TARS3: variants seen among roughly 807,000 people sequenced by gnomAD.
TARS3 encodes the protein threonyl-tRNA synthetase 3.
In TARS3, 94 loss-of-function variants were observed where a neutral mutation model predicts 103.5. The ratio of observed to expected loss-of-function variants is 0.91; its 90% CI spans 0.77 to 1.08. The LOEUF is 1.08. Among genes scored for constraint, TARS3 ranks in the 50% least tolerant of loss-of-function variants. The pLI is 0.00. For synonymous variants in TARS3, 416 were observed against 355.4 expected (o/e 1.17, Z -1.92); for missense variants, 952 against 995.2 (o/e 0.96, Z 0.58).
At chr15:101,708,950 C>A in intron 5 of TARS3, 40 bp from the exon 6 acceptor site, 1 of 1,270,814 alleles carries the variant, frequency 7.9e-7, no homozygotes, top group South Asian at 1.4e-5. Context: ...ATCTTCCAGA[C>A]ATTATGCATT....
chr15:101,677,055 T>C lies in TARS3; in HGVS notation c.1651-1318A>G, dbSNP rs191505939. Among the ~76,000 whole-genome samples the C allele has an allele frequency of 7.0e-4, 106 of 152,336 alleles. 1 individual carries two copies. In the East Asian group the frequency reaches 0.013, roughly 18 times the overall value. ...GTTCCCACTTATAAGTGAGAACATA[T>C]GGAGTTTGGTTTTCTATTCCTGTGT... On this transcript the variant is annotated intron_variant, in intron 12 of 18. Transcript: ENST00000335968.
intron 5 of TARS3, among the ~76,000 whole-genome samples, chr15:101,710,647 TGTGA>T (rs1378420642): frequency 2.0e-5 from 3 of 152,212 alleles, no homozygotes; most frequent in Non-Finnish European, 4.4e-5. Context: ...GTTTCATGCT[TGTGA>T]GTAATAGTGG....
At chr15:101,703,993 C>G in intron 7 of TARS3, 56 bp from the exon 8 acceptor site, 1 of 1,230,942 alleles carries the variant, frequency 8.1e-7, no homozygotes, top group Admixed American at 2.0e-5. Flanking sequence ...CTGGACTATT[C>G]ATTATAAGCC....
In TARS3 at chr15:101,661,806, C is replaced by A; in HGVS notation, c.1978G>T (p.Asp660Tyr). 6.3e-7 allele frequency: 1 copy of A among 1,588,590 alleles called. No homozygotes were observed. Among genetic ancestry groups the A allele is most frequent in the Non-Finnish European group, 8.6e-7 (1 of 1,167,928 alleles). Residue 660 changes from aspartate to tyrosine, a missense_variant, in exon 16 of 19, where the codon GAT (aspartate) becomes TAT (tyrosine). Asp to Tyr is a radical substitution (Grantham distance 160, BLOSUM62 -3). Transcript: ENST00000335968. ...FNLTYVSKDG[D>Y]DKKRPVIIHR... ...ATGATCACAGGTCTCTTCTTATCAT[C>A]CCCATCCTTACTAAAAAATGAAAAT...
chr15:101,682,374 T>G (rs1377585104), intron 12 of TARS3, among the ~76,000 whole-genome samples: 1 of 152,196 alleles, frequency 6.6e-6, no homozygotes, highest in African/African-American at 2.4e-5. Context: ...CTGCATCTAC[T>G]GAGAAGATAA....
Position 101,654,496 on chromosome 15 carries a change from A to C in TARS3, c.*86T>G, listed in dbSNP as rs1897125695. ...TGAGTGGACCCATCAGTGGCTCCAAAGTCGTAGAAGTACTAACATGTTAAG... is the reference window on the plus strand; with the variant it reads ...TGAGTGGACCCATCAGTGGCTCCAACGTCGTAGAAGTACTAACATGTTAAG... On this transcript the variant is annotated 3_prime_UTR_variant, in exon 19 of 19. Transcript: ENST00000335968. 2 of 1,452,138 alleles carry C rather than the reference A, an allele frequency of 1.4e-6. No homozygotes were observed. Among genetic ancestry groups the C allele is most frequent in the Non-Finnish European group, 1.9e-6 (2 of 1,073,940 alleles). The allele number at this position is 1,452,138 out of a possible 1,614,324, so 90.0% of individuals were successfully genotyped here. A position where few individuals can be genotyped will look rare whatever the true frequency, so the allele number is the denominator to read the frequency against.
intron 5 of TARS3, among the ~76,000 whole-genome samples, chr15:101,711,499 T>C (rs941903579): frequency 6.6e-6 from 1 of 152,188 alleles, no homozygotes; most frequent in Non-Finnish European, 1.5e-5. Flanking sequence ...ATCAGCCTAC[T>C]CAACGTGAAG....
intron 4 of TARS3, among the ~76,000 whole-genome samples, chr15:101,712,774 T>A (rs1899932378): frequency 6.6e-6 from 1 of 152,256 alleles, no homozygotes. Flanking sequence ...AACTCATCTT[T>A]CAGCACTTTC....
At chr15:101,667,671 C>T (rs746076164) in intron 15 of TARS3, among the ~76,000 whole-genome samples, 5 of 152,036 alleles carry the variant, frequency 3.3e-5, no homozygotes, top group African/African-American at 4.8e-5. Flanking sequence ...TCTGGATTCA[C>T]ATGATTCTCC....
intron 15 of TARS3, 74 bp downstream of exon 15, chr15:101,671,412 T>C (rs983663236): frequency 7.7e-5 from 84 of 1,090,236 alleles, no homozygotes; most frequent in Non-Finnish European, 1.1e-4. Context: ...ATGTTTATTT[T>C]TGCATTGCTA....
intron 10 of TARS3, among the ~76,000 whole-genome samples, chr15:101,690,506 C>G (rs1183188587): frequency 6.6e-6 from 1 of 152,180 alleles, no homozygotes; most frequent in Admixed American, 6.5e-5. Context: ...AAACACAAAA[C>G]ACACATACAG....
intron 8 of TARS3, 82 bp downstream of exon 8, chr15:101,703,777 A>G (rs1899401111): frequency 2.5e-6 from 2 of 812,668 alleles, no homozygotes; most frequent in South Asian, 3.1e-5. Flanking sequence ...TACAAAAGAT[A>G]TGATTGAATA....
Position 101,654,285 on chromosome 15 carries a change from C to A in TARS3, c.*297G>T. On this transcript the variant is annotated 3_prime_UTR_variant, in exon 19 of 19. Coordinates refer to ENST00000335968, the MANE Select transcript of TARS3 (RefSeq NM_152334.3). ...CATCTTTTGAAAATCACTAACATTT[C>A]ATAATCATTTCCTAGTGTTTTGTTT... 1 of 270,192 alleles carries A rather than the reference C, an allele frequency of 3.7e-6. No individual in the cohort carries two copies. The highest frequency in any genetic ancestry group is 6.8e-6 in the Non-Finnish European group (1 of 147,036). 16.7% of individuals were successfully genotyped at this position (270,192 alleles called of 1,614,324 possible).
chr15:101,723,972 T>C (rs997313706), intron 1 of TARS3, 119 bp downstream of exon 1: 1 of 986,554 alleles, frequency 1.0e-6, no homozygotes, highest in Non-Finnish European at 1.4e-6. Context: ...CGCAGGGCAC[T>C]GGGAGGGCAC....
chr15:101,683,248 T>A (rs1276833624), intron 12 of TARS3, among the ~76,000 whole-genome samples: 1 of 152,246 alleles, frequency 6.6e-6, no homozygotes, highest in Non-Finnish European at 1.5e-5. Context: ...GCTATAAACA[T>A]CCCTCTACCA....
intron 12 of TARS3, among the ~76,000 whole-genome samples, chr15:101,677,768 G>A (rs1317080120): frequency 5.9e-5 from 9 of 151,308 alleles, no homozygotes; most frequent in African/African-American, 1.9e-4. Context: ...AAAGTGCTGG[G>A]ATTACAGGCA....
At chr15:101,679,338 A>C (rs1028842919) in intron 12 of TARS3, among the ~76,000 whole-genome samples, 2 of 147,992 alleles carry the variant, frequency 1.4e-5, no homozygotes, top group Non-Finnish European at 2.9e-5. Context: ...TGTTTTCTCT[A>C]TGTTTTTCAG....
At chr15:101,669,389 C>T (rs1016802309) in intron 15 of TARS3, among the ~76,000 whole-genome samples, 33 of 152,242 alleles carry the variant, frequency 2.2e-4, no homozygotes, top group African/African-American at 7.7e-4. Context: ...AAAAAAGTTA[C>T]AGTAAGCTAA....
chr15:101,681,299 C>T (rs565866660), intron 12 of TARS3, among the ~76,000 whole-genome samples: 5 of 152,142 alleles, frequency 3.3e-5, no homozygotes, highest in African/African-American at 1.2e-4. Context: ...CATGTCAACT[C>T]TTACAGGGAA....
Sources: gnomAD v4.1 joint callset for allele counts (sites outside exome capture counted in the v4.1 genomes callset) on GRCh38, gnomAD v4.1.1 for gene constraint, MANE v1.5 for transcripts, NCBI Gene and HGNC (gene_info 2026-07-23, HGNC 2026-07-21) for gene names.